TENM3: variants seen among roughly 807,000 people sequenced by gnomAD.
The protein encoded by TENM3 is teneurin transmembrane protein 3.
TENM3 carries 63 observed loss-of-function variants against 255.1 expected under a neutral mutation model. That is an observed-to-expected ratio of 0.25 (90% confidence interval 0.20 to 0.30). The LOEUF is 0.30. Ranked by LOEUF, TENM3 falls within the 10% of genes least tolerant of loss-of-function variation. The pLI is 1.00. For synonymous variants in TENM3, 1,306 were observed against 1,322.3 expected (o/e 0.99, Z 0.27); for missense variants, 2,929 against 3,461.1 (o/e 0.85, Z 3.86).
At chr4:181,994,037 A>G in the TENM3 span, among the ~76,000 whole-genome samples, 1 of 152,156 alleles carries the variant, frequency 6.6e-6, no homozygotes, top group East Asian at 1.9e-4. Context: ...TATATTCATT[A>G]CATTCATACA....
At chr4:182,266,135 C>G (rs1413690239) in intron 1 of TENM3, among the ~76,000 whole-genome samples, 1 of 152,158 alleles carries the variant, frequency 6.6e-6, no homozygotes, top group African/African-American at 2.4e-5. Context: ...TGGATAGACT[C>G]CACACCTAGT....
chr4:182,674,176 G>A (rs1579076101), intron 7 of TENM3, among the ~76,000 whole-genome samples: 2 of 152,220 alleles, frequency 1.3e-5, no homozygotes, highest in East Asian at 3.9e-4. Context: ...TGCTGATTTA[G>A]TGTGACTTAT....
At chr4:181,528,365 A>G in the TENM3 span, among the ~76,000 whole-genome samples, 1 of 152,216 alleles carries the variant, frequency 6.6e-6, no homozygotes, top group Non-Finnish European at 1.5e-5. Context: ...CTTGATAACT[A>G]CAAAACAGAC....
At chr4:181,611,709 T>C in the TENM3 span, among the ~76,000 whole-genome samples, 1 of 152,224 alleles carries the variant, frequency 6.6e-6, no homozygotes, top group Non-Finnish European at 1.5e-5. Context: ...GTGCAAACTT[T>C]AAAATGCAAA....
intron 1 of TENM3, among the ~76,000 whole-genome samples, chr4:182,198,805 A>G (rs567606654): frequency 1.3e-5 from 2 of 152,330 alleles, no homozygotes; most frequent in African/African-American, 4.8e-5. Context: ...GACAAATATC[A>G]TTTGAGACAG....
chr4:182,160,169 A>ATT (rs1284856188), intron 1 of TENM3, among the ~76,000 whole-genome samples: 2 of 149,980 alleles, frequency 1.3e-5, no homozygotes, highest in Non-Finnish European at 3.0e-5. Flanking sequence ...CGCCTGGCTA[A>ATT]TTTTATGTAT....
At chr4:181,748,819 T>A in the TENM3 span, among the ~76,000 whole-genome samples, 183 of 152,234 alleles carry the variant, frequency 1.2e-3, 3 homozygotes, top group South Asian at 0.035. Context: ...AGTATATTGT[T>A]AGACAGGAGG....
chr4:182,398,019 G>A (rs928991212), intron 3 of TENM3, among the ~76,000 whole-genome samples: 13 of 152,226 alleles, frequency 8.5e-5, no homozygotes, highest in Admixed American at 8.5e-4. Flanking sequence ...TTTAATATTA[G>A]AGAAGTACTT....
intron 3 of TENM3, among the ~76,000 whole-genome samples, chr4:182,389,853 T>A (rs1292944347): frequency 6.6e-6 from 1 of 151,920 alleles, no homozygotes; most frequent in Non-Finnish European, 1.5e-5. Context: ...TCCCGGCTAA[T>A]TTTTTGTATT....
chr4:181,698,357 C>G, the TENM3 span, among the ~76,000 whole-genome samples: 1 of 152,122 alleles, frequency 6.6e-6, no homozygotes, highest in African/African-American at 2.4e-5. Context: ...CTGATTCTCT[C>G]CATTGTCTAT....
chr4:181,544,835 G>A, the TENM3 span, among the ~76,000 whole-genome samples: 2 of 152,224 alleles, frequency 1.3e-5, no homozygotes, highest in Non-Finnish European at 2.9e-5. Context: ...AAGGAAGCCA[G>A]ACAGTGCTGT....
chr4:182,733,207 G>A (rs1306309541), intron 16 of TENM3, among the ~76,000 whole-genome samples: 1 of 152,192 alleles, frequency 6.6e-6, no homozygotes, highest in Non-Finnish European at 1.5e-5. Flanking sequence ...AAAAGAATAA[G>A]CCCTGAAAAT....
chr4:182,121,246 A>C, the TENM3 span, among the ~76,000 whole-genome samples: 1 of 151,776 alleles, frequency 6.6e-6, no homozygotes, highest in Admixed American at 6.6e-5. Context: ...GATCCGCCCA[A>C]CTCGGCCTCC....
the TENM3 span, among the ~76,000 whole-genome samples, chr4:181,548,624 C>T: frequency 2.6e-5 from 4 of 152,034 alleles, no homozygotes; most frequent in Non-Finnish European, 5.9e-5. Context: ...GATGATGTGC[C>T]TCTCCCAAGC....
the TENM3 span, among the ~76,000 whole-genome samples, chr4:181,641,550 GTGTGTATATATATATA>G: frequency 0.012 from 565 of 49,036 alleles, 21 homozygotes; most frequent in African/African-American, 0.056. Flanking sequence ...TCCATGGTGT[GTGTGTATATATATATA>G]TATATATATA....
the TENM3 span, among the ~76,000 whole-genome samples, chr4:181,844,599 C>T: frequency 1.3e-5 from 2 of 151,442 alleles, no homozygotes; most frequent in African/African-American, 4.9e-5. Flanking sequence ...ACCCGGGAGG[C>T]GGAGCTTGCA....
At chr4:182,339,523 C>T (rs1408899747) in intron 2 of TENM3, among the ~76,000 whole-genome samples, 1 of 152,162 alleles carries the variant, frequency 6.6e-6, no homozygotes, top group Non-Finnish European at 1.5e-5. Context: ...TGTGGATTAC[C>T]CACCAGAAGG....
At chr4:181,811,595 A>G in the TENM3 span, among the ~76,000 whole-genome samples, 37 of 152,236 alleles carry the variant, frequency 2.4e-4, no homozygotes, top group Non-Finnish European at 4.0e-4. Flanking sequence ...ACAGTTCCAC[A>G]TGGCTGGGGA....
chr4:181,617,040 T>C, the TENM3 span, among the ~76,000 whole-genome samples: 1 of 152,184 alleles, frequency 6.6e-6, no homozygotes, highest in Non-Finnish European at 1.5e-5. Flanking sequence ...GTCTTCAGTG[T>C]CTTCTATATT....
Sources: gnomAD v4.1 joint callset for allele counts (sites outside exome capture counted in the v4.1 genomes callset) on GRCh38, gnomAD v4.1.1 for gene constraint, MANE v1.5 for transcripts, NCBI Gene and HGNC (gene_info 2026-07-23, HGNC 2026-07-21) for gene names.